WDR72: variants seen among roughly 807,000 people sequenced by gnomAD.
The protein encoded by WDR72 is WD repeat-containing protein 72.
Under a neutral mutation model 124.2 loss-of-function variants are expected in WDR72, and 120 were observed. The ratio of observed to expected loss-of-function variants is 0.97; its 90% CI spans 0.83 to 1.12. WDR72 has a LOEUF of 1.12. Ranked by LOEUF, WDR72 falls within the 50% of genes most tolerant of loss-of-function variation. The pLI, the probability that WDR72 is intolerant of heterozygous loss-of-function variation, is 0.00. For missense variants in WDR72, 1,387 were observed against 1,278.8 expected, an observed-to-expected ratio of 1.08 and a Z score of -1.29; for synonymous variants, 452 against 441.7, an observed-to-expected ratio of 1.02 and a Z score of -0.29.
intron 2 of WDR72, among the ~76,000 whole-genome samples, chr15:53,723,369 TA>T (rs34058363): frequency 3.3e-5 from 5 of 152,188 alleles, no homozygotes; most frequent in Admixed American, 3.3e-4. Context: ...CAGCTATTTT[TA>T]AAAACAGTAT....
chr15:53,694,852 T>C (rs2016954005), intron 13 of WDR72, among the ~76,000 whole-genome samples: 2 of 152,200 alleles, frequency 1.3e-5, no homozygotes, highest in African/African-American at 2.4e-5. Flanking sequence ...ATCAATGTAT[T>C]TAAAAAGAAC....
rs11635400 is a variant in WDR72, at chr15:53,697,377, G to A, written c.1765+2373C>T. On this transcript the variant is annotated intron_variant, in intron 13 of 19. Transcript: ENST00000360509. Reference sequence around the variant, plus strand: ...GATTAAATTAATGGAGGTGACTGCAGAAGAAAAAAGAATTTCTTCCAACCC... The same window carrying A: ...GATTAAATTAATGGAGGTGACTGCAAAAGAAAAAAGAATTTCTTCCAACCC... Among the ~76,000 whole-genome samples, 1,393 of 152,230 alleles carry A rather than the reference G, an allele frequency of 9.2e-3. 13 individuals are homozygous for A. Among genetic ancestry groups the A allele is most frequent in the Non-Finnish European group, 0.013 (859 of 68,000 alleles).
chr15:53,705,306 C>T lies in WDR72; in HGVS notation c.1103-73G>A, dbSNP rs58075778. On this transcript the variant is annotated intron_variant, in intron 10 of 19. Coordinates refer to ENST00000360509, the MANE Select transcript of WDR72 (RefSeq NM_182758.4). ...CATAGACATGGAAAATATCAAGGCA[C>T]CCTCCCTTCAAAAATATGAATACAG... is the stretch of plus-strand genomic sequence containing the variant. The T allele has an allele frequency of 6.9e-3, 9,684 of 1,407,956 alleles. 533 individuals carry two copies. In the African/African-American group the frequency reaches 0.12, roughly 17 times the overall value. The allele number at this position is 1,407,956 out of a possible 1,614,324, so 87.2% of individuals were successfully genotyped here.
At chr15:53,678,273 A>G (rs902327172) in intron 13 of WDR72, among the ~76,000 whole-genome samples, 2 of 152,204 alleles carry the variant, frequency 1.3e-5, no homozygotes, top group Admixed American at 6.5e-5. Context: ...TCTATCTTTT[A>G]CTGAAGGCTT....
intron 1 of WDR72, among the ~76,000 whole-genome samples, chr15:53,739,607 G>T (rs906130843): frequency 1.3e-5 from 2 of 152,066 alleles, no homozygotes; most frequent in African/African-American, 2.4e-5. Context: ...AGTGAAGACT[G>T]CAAAGCAGGT....
At chr15:53,713,269 C>A (rs1470761723) in intron 6 of WDR72, among the ~76,000 whole-genome samples, 1 of 148,562 alleles carries the variant, frequency 6.7e-6, no homozygotes, top group African/African-American at 2.5e-5. Context: ...AACAAACATT[C>A]TTTGGGGAAC....
intron 13 of WDR72, among the ~76,000 whole-genome samples, chr15:53,698,820 T>C (rs1227434264): frequency 6.6e-6 from 1 of 152,180 alleles, no homozygotes; most frequent in East Asian, 1.9e-4. Flanking sequence ...TGAATAATAC[T>C]TCTCTGACCT....
At chr15:53,745,377 G>A (rs949240645) in intron 1 of WDR72, among the ~76,000 whole-genome samples, 2 of 152,064 alleles carry the variant, frequency 1.3e-5, no homozygotes, top group African/African-American at 2.4e-5. Flanking sequence ...TACTTTTACA[G>A]TATTGACACT....
At chr15:53,692,192 T>C (rs1239557673) in intron 13 of WDR72, among the ~76,000 whole-genome samples, 6 of 152,170 alleles carry the variant, frequency 3.9e-5, no homozygotes. Flanking sequence ...CATATGCCAC[T>C]TTCTTATATG....
At chr15:53,652,072 C>T (rs2015262771) in intron 14 of WDR72, 1 of 152,164 alleles carries the variant, frequency 6.6e-6, no homozygotes, top group African/African-American at 2.4e-5. Context: ...GTAAATTGTA[C>T]ATGCACATAC....
At chr15:53,690,514 C>G (rs1371671172) in intron 13 of WDR72, among the ~76,000 whole-genome samples, 3 of 152,132 alleles carry the variant, frequency 2.0e-5, no homozygotes, top group Non-Finnish European at 4.4e-5. Flanking sequence ...TTGGATATGT[C>G]ATATAAAAAA....
intron 14 of WDR72, among the ~76,000 whole-genome samples, chr15:53,661,032 G>A (rs373317377): frequency 2.4e-4 from 36 of 152,146 alleles, no homozygotes; most frequent in African/African-American, 8.7e-4. Context: ...TCCACTGCCT[G>A]TTTTTGTAAA....
chr15:53,518,346 C>T (rs1891580419), intron 19 of WDR72, among the ~76,000 whole-genome samples: 1 of 151,984 alleles, frequency 6.6e-6, no homozygotes, highest in African/African-American at 2.4e-5. Context: ...ATATTAATGA[C>T]ATGTCTATGA....
intron 18 of WDR72, among the ~76,000 whole-genome samples, chr15:53,552,035 A>G (rs1893749622): frequency 6.6e-6 from 1 of 152,178 alleles, no homozygotes; most frequent in Admixed American, 6.5e-5. Flanking sequence ...ATTCAGGGAA[A>G]AGACAGAAAA....
intron 18 of WDR72, among the ~76,000 whole-genome samples, chr15:53,552,912 C>T (rs1396352134): frequency 6.6e-6 from 1 of 152,044 alleles, no homozygotes; most frequent in African/African-American, 2.4e-5. Context: ...TCCTGTGCAG[C>T]CCAGGAGCTC....
chr15:53,718,765 T>A (rs2017784026), intron 3 of WDR72, among the ~76,000 whole-genome samples: 1 of 151,366 alleles, frequency 6.6e-6, no homozygotes, highest in Non-Finnish European at 1.5e-5. Context: ...CTTAATAAAT[T>A]TTAAGAATTT....
At chr15:53,656,525 G>T (rs2015426510) in intron 14 of WDR72, among the ~76,000 whole-genome samples, 1 of 152,102 alleles carries the variant, frequency 6.6e-6, no homozygotes, top group East Asian at 1.9e-4. Flanking sequence ...CTCTCTTAGG[G>T]CCAGTTTCAA....
chr15:53,760,326 C>A (rs576850632), upstream of WDR72, among the ~76,000 whole-genome samples: 1 of 150,852 alleles, frequency 6.6e-6, no homozygotes, highest in Non-Finnish European at 1.5e-5. Flanking sequence ...ACTCCCCCAC[C>A]CCCCACTACC....
intron 19 of WDR72, among the ~76,000 whole-genome samples, chr15:53,519,918 T>C (rs1891693185): frequency 6.6e-6 from 1 of 152,074 alleles, no homozygotes; most frequent in Non-Finnish European, 1.5e-5. Flanking sequence ...ACAATCTACA[T>C]ACTGAGTTCA....
Sources: allele counts gnomAD v4.1 joint callset (sites outside exome capture counted in the v4.1 genomes callset), GRCh38; gene constraint gnomAD v4.1.1; transcripts MANE v1.5; gene names NCBI Gene and HGNC (gene_info 2026-07-23, HGNC 2026-07-21).